Variants in STK39 observed in about 807,000 individuals in gnomAD.
The protein encoded by STK39 is serine/threonine kinase 39.
Under a neutral mutation model 77.8 loss-of-function variants are expected in STK39, and 20 were observed. That is an observed-to-expected ratio of 0.26 (90% CI 0.18 to 0.37). The LOEUF is 0.37. Ranked by LOEUF, STK39 falls within the 10% of genes least tolerant of loss-of-function variation. The pLI is 1.00. For missense variants in STK39, 479 were observed against 656.5 expected (o/e 0.73, Z 2.95); for synonymous variants, 246 against 234.1 (o/e 1.05, Z -0.47).
chr2:167,974,447 T>C (rs1683218541), intron 16 of STK39, among the ~76,000 whole-genome samples: 1 of 152,266 alleles, frequency 6.6e-6, no homozygotes, highest in East Asian at 1.9e-4. Context: ...TTATTTAACA[T>C]GTTTAGTTAC....
At chr2:168,013,624 G>A (rs1684326354) in intron 15 of STK39, among the ~76,000 whole-genome samples, 2 of 152,222 alleles carry the variant, frequency 1.3e-5, no homozygotes, top group Non-Finnish European at 2.9e-5. Flanking sequence ...CTAGACGGGG[G>A]TTTGACAGAA....
At chr2:168,107,738 T>G (rs769889340) in intron 10 of STK39, among the ~76,000 whole-genome samples, 15 of 152,178 alleles carry the variant, frequency 9.9e-5, no homozygotes, top group Non-Finnish European at 1.5e-4. Context: ...TATGGGAAAA[T>G]TTACTCATTT....
intron 16 of STK39, among the ~76,000 whole-genome samples, chr2:167,972,251 T>C (rs1413125413): frequency 6.6e-6 from 1 of 152,214 alleles, no homozygotes; most frequent in Non-Finnish European, 1.5e-5. Flanking sequence ...ACTGTTTATC[T>C]CTCTTGTAAA....
intron 12 of STK39, among the ~76,000 whole-genome samples, chr2:168,070,658 A>G (rs1378612451): frequency 1.5e-5 from 2 of 137,178 alleles, no homozygotes; most frequent in African/African-American, 5.5e-5. Flanking sequence ...AAGTGTTCTC[A>G]TTGTTCAATT....
intron 2 of STK39, among the ~76,000 whole-genome samples, chr2:168,170,891 T>TA (rs1297425112): frequency 6.6e-6 from 1 of 152,092 alleles, no homozygotes; most frequent in African/African-American, 2.4e-5. Context: ...GGTAAAAACT[T>TA]CATTGAGATT....
intron 1 of STK39, among the ~76,000 whole-genome samples, chr2:168,216,754 G>A (rs752298210): frequency 1.3e-5 from 2 of 152,164 alleles, no homozygotes; most frequent in Admixed American, 6.5e-5. Context: ...TAATGCCACC[G>A]CCACACCTCT....
chr2:168,161,808 C>A lies in STK39; in HGVS notation c.607G>T (p.Asp203Tyr). ...TTACCTGCTATTTGTACTGAACCATCCTCACCCAGAAGAATATTACCAGCT... is the reference window on the plus strand; with the variant it reads ...TTACCTGCTATTTGTACTGAACCATACTCACCCAGAAGAATATTACCAGCT... ...LKAGNILLGE[D>Y]GSVQIADFGV... Residue 203 changes from aspartate (D) to tyrosine (Y), a missense_variant, in exon 5 of 18, where the codon GAT (aspartate) becomes TAT (tyrosine). Asp to Tyr is a radical substitution (Grantham distance 160). This residue lies in a region of STK39 where 139 missense variants were observed against 280.6 expected (regional missense o/e 0.50). Coordinates refer to ENST00000355999, the MANE Select transcript of STK39 (RefSeq NM_013233.3). 1 of 1,610,150 alleles carries A rather than the reference C, an allele frequency of 6.2e-7. No homozygotes were observed. Among genetic ancestry groups the A allele is most frequent in the Non-Finnish European group, 8.5e-7 (1 of 1,178,424 alleles).
intron 10 of STK39, among the ~76,000 whole-genome samples, chr2:168,089,021 AG>A (rs1399128388): frequency 1.3e-5 from 2 of 152,118 alleles, no homozygotes; most frequent in African/African-American, 4.8e-5. Context: ...AGACTCCCCT[AG>A]GGCTCCCCAG....
intron 1 of STK39, among the ~76,000 whole-genome samples, chr2:168,232,891 G>A (rs1019872261): frequency 1.3e-4 from 20 of 149,238 alleles, no homozygotes; most frequent in Non-Finnish European, 2.4e-4. Flanking sequence ...CAGCCTGGGC[G>A]ACAGAGTGAG....
At chr2:168,133,124 C>T (rs1376251211) in intron 8 of STK39, among the ~76,000 whole-genome samples, 2 of 152,160 alleles carry the variant, frequency 1.3e-5, no homozygotes, top group Non-Finnish European at 2.9e-5. Context: ...AAATCCTCCT[C>T]CCCACACAGG....
At chr2:168,037,853 G>A (rs964852640) in intron 14 of STK39, among the ~76,000 whole-genome samples, 2 of 152,120 alleles carry the variant, frequency 1.3e-5, no homozygotes, top group East Asian at 3.8e-4. Flanking sequence ...AATTTCCTCT[G>A]ATGAACATAT....
At chr2:168,061,371 A>T (rs984012008) in intron 14 of STK39, among the ~76,000 whole-genome samples, 3 of 152,254 alleles carry the variant, frequency 2.0e-5, no homozygotes, top group Non-Finnish European at 4.4e-5. Context: ...AAGAGTTACG[A>T]GATCAAATAG....
At chr2:168,213,284 T>C (rs770436275) in intron 1 of STK39, among the ~76,000 whole-genome samples, 13 of 152,214 alleles carry the variant, frequency 8.5e-5, no homozygotes, top group Non-Finnish European at 1.5e-4. Flanking sequence ...TCTGCCATAA[T>C]AACCACATAC....
intron 5 of STK39, among the ~76,000 whole-genome samples, chr2:168,145,788 G>A (rs1019280922): frequency 1.3e-5 from 2 of 152,216 alleles, no homozygotes; most frequent in Middle Eastern, 3.4e-3. Context: ...GATAGCACTC[G>A]ACTCAGGATG....
At chr2:167,984,950 T>TA (rs1413587619) in intron 16 of STK39, among the ~76,000 whole-genome samples, 4 of 152,026 alleles carry the variant, frequency 2.6e-5, no homozygotes, top group Non-Finnish European at 4.4e-5. Context: ...ACATAGAATG[T>TA]AAAAAAAACT....
chr2:168,084,397 C>T (rs1021789350), intron 10 of STK39, among the ~76,000 whole-genome samples: 4 of 152,174 alleles, frequency 2.6e-5, no homozygotes, highest in East Asian at 1.9e-4. Flanking sequence ...ACAGCAAGCA[C>T]GAGAGACCCC....
chr2:168,221,493 A>G (rs1055735602), intron 1 of STK39, among the ~76,000 whole-genome samples: 5 of 152,202 alleles, frequency 3.3e-5, no homozygotes, highest in Non-Finnish European at 7.3e-5. Flanking sequence ...TCTCACTACT[A>G]GTCTATCTTG....
chr2:168,038,321 T>C (rs1685011336), intron 14 of STK39, among the ~76,000 whole-genome samples: 1 of 152,054 alleles, frequency 6.6e-6, no homozygotes, highest in South Asian at 2.1e-4. Flanking sequence ...GTTCAGATCT[T>C]CTAACAAATG....
At chr2:168,216,478 G>A (rs1296996984) in intron 1 of STK39, among the ~76,000 whole-genome samples, 7 of 152,162 alleles carry the variant, frequency 4.6e-5, no homozygotes, top group Admixed American at 2.0e-4. Flanking sequence ...ACAGAAGCAC[G>A]CCTGCACACC....
Sources: gnomAD v4.1 joint callset for allele counts (sites outside exome capture counted in the v4.1 genomes callset) on GRCh38, gnomAD v4.1.1 for gene constraint, gnomAD v4.1.1 regional missense constraint, MANE v1.5 for transcripts, NCBI Gene and HGNC (gene_info 2026-07-23, HGNC 2026-07-21) for gene names.